Variants in IWS1 observed in about 807,000 individuals in gnomAD.
The protein encoded by IWS1 is protein IWS1 homolog.
In IWS1, 27 loss-of-function variants were observed where a neutral mutation model predicts 86.7. The ratio of observed to expected loss-of-function variants is 0.31; its 90% CI spans 0.23 to 0.43. The LOEUF (loss-of-function observed/expected upper bound fraction) is 0.43, where lower values mean the gene tolerates loss of function less well. IWS1 is among the 20% of genes least tolerant of loss of function. The pLI is 1.00. For synonymous variants in IWS1, 313 were observed against 335.1 expected, an observed-to-expected ratio of 0.93 and a Z score of 0.72; for missense variants, 827 against 1,000.8, an observed-to-expected ratio of 0.83 and a Z score of 2.34.
intron 2 of IWS1, among the ~76,000 whole-genome samples, chr2:127,523,209 CA>C (rs1467474543): frequency 7.6e-5 from 11 of 144,898 alleles, no homozygotes; most frequent in African/African-American, 1.0e-4. Context: ...GACCCTGTCT[CA>C]AAAAAAAAAG....
intron 6 of IWS1, among the ~76,000 whole-genome samples, chr2:127,497,510 T>C (rs960073954): frequency 2.4e-4 from 36 of 152,356 alleles, no homozygotes; most frequent in African/African-American, 7.5e-4. Flanking sequence ...CCTTTATGGC[T>C]TTCATCAGAA....
intron 2 of IWS1, among the ~76,000 whole-genome samples, chr2:127,513,939 T>C (rs1691616684): frequency 6.6e-6 from 1 of 152,168 alleles, no homozygotes; most frequent in Non-Finnish European, 1.5e-5. Flanking sequence ...CAGATAGGGG[T>C]GGGTCCCTGG....
At chr2:127,526,714 T>C (rs528937808), upstream of IWS1, 7 of 1,300,786 alleles carry the variant, frequency 5.4e-6, no homozygotes, top group South Asian at 7.4e-5. Flanking sequence ...AGATTCTGTG[T>C]CCGTGCCTTG....
At chr2:127,522,394 G>A (rs1692147672) in intron 2 of IWS1, among the ~76,000 whole-genome samples, 1 of 151,676 alleles carries the variant, frequency 6.6e-6, no homozygotes, top group Non-Finnish European at 1.5e-5. Context: ...CACAGCATTT[G>A]TTATCTTCTA....
At position 127,489,472 on chromosome 2, in the gene IWS1, G is replaced by C; in HGVS notation, c.2160-237C>G. The C allele has an allele frequency of 1.8e-6, 1 of 542,478 alleles. No homozygotes were observed. The highest frequency in any genetic ancestry group is 3.4e-5 in the Admixed American group (1 of 29,050). 33.6% of individuals were successfully genotyped at this position (542,478 alleles called of 1,614,324 possible). ...TTGTAACTAATGACCCTGTCCTCCT[G>C]GATGCAACTGTATCCACTATTATCA... On this transcript the variant is annotated intron_variant, in intron 11 of 13. Coordinates refer to ENST00000295321, the MANE Select transcript of IWS1 (RefSeq NM_017969.3). This position sits in a 1 kb window ranked among gnomAD's most constrained non-coding sequence, Gnocchi z 4.8.
intron 5 of IWS1, among the ~76,000 whole-genome samples, chr2:127,501,439 T>C (rs1690803962): frequency 6.6e-6 from 1 of 152,218 alleles, no homozygotes; most frequent in African/African-American, 2.4e-5. Context: ...TTATCTTCCT[T>C]GCAATGTGTA....
Position 127,489,652 on chromosome 2 carries a change from C to T in IWS1, c.2159+180G>A. The T allele has an allele frequency of 1.7e-6, 1 of 581,672 alleles. No individual in the cohort carries two copies. The highest frequency in any genetic ancestry group is 3.1e-6 in the Non-Finnish European group (1 of 327,798). 36.0% of individuals were successfully genotyped at this position (581,672 alleles called of 1,614,324 possible). A position where few individuals can be genotyped will look rare whatever the true frequency, so the allele number is the denominator to read the frequency against. ...ACCCAGAAAGGTCTGGTTAGGAGGA[C>T]AGGACCCTCACTATACACTATCACA... On this transcript the variant is annotated intron_variant, in intron 11 of 13. Transcript: ENST00000295321. The surrounding 1 kb of genome is among the most constrained non-coding windows in gnomAD (Gnocchi z 4.8).
intron 1 of IWS1, 118 bp downstream of exon 1, chr2:127,526,057 G>A: frequency 1.0e-6 from 1 of 957,470 alleles, no homozygotes; most frequent in Non-Finnish European, 1.6e-6. Flanking sequence ...TCCTCGGGCC[G>A]GGTCGCGGGA....
In IWS1 at chr2:127,504,579, AT is replaced by A; in HGVS notation, c.1219+104del. 8 of 827,478 alleles carry A rather than the reference AT, an allele frequency of 9.7e-6. No homozygotes were observed. The Middle Eastern group carries it at 7.9e-4, about 82-fold the overall frequency. The allele number at this position is 827,478 out of a possible 1,614,324, so 51.3% of individuals were successfully genotyped here. ...CTGATATTTTAGAATATTAAGCTGAATAACAGAACACAGATCTGACATACCA... is the reference window on the plus strand; with the variant it reads ...CTGATATTTTAGAATATTAAGCTGAAAACAGAACACAGATCTGACATACCA... On this transcript the variant is annotated intron_variant, in intron 3 of 13. Coordinates refer to ENST00000295321, the MANE Select transcript of IWS1 (RefSeq NM_017969.3).
At chr2:127,504,419 A>AC (rs893575305) in intron 3 of IWS1, among the ~76,000 whole-genome samples, 1 of 152,156 alleles carries the variant, frequency 6.6e-6, no homozygotes, top group Admixed American at 6.5e-5. Flanking sequence ...TAAAAAAAAA[A>AC]AACAGTATTT....
In IWS1 at chr2:127,508,674, GCA is replaced by G. The variant is rs539407501; in HGVS notation, c.151-2924_151-2923del. Among the ~76,000 whole-genome samples, 659 of 152,292 alleles carry G rather than the reference GCA, an allele frequency of 4.3e-3. 7 individuals are homozygous for G. The highest frequency in any genetic ancestry group is 0.014 in the African/African-American group (578 of 41,568). Reference sequence around the variant, plus strand: ...CTTGGGAAGGTTAAGTACCAACGCAGCACAGAGAGCTTAGAAAAGGGAACTCA... The same window carrying G: ...CTTGGGAAGGTTAAGTACCAACGCAGCAGAGAGCTTAGAAAAGGGAACTCA... On this transcript the variant is annotated intron_variant, in intron 2 of 13. Transcript: ENST00000295321.
intron 2 of IWS1, among the ~76,000 whole-genome samples, chr2:127,508,251 C>T (rs978814686): frequency 4.6e-5 from 7 of 152,022 alleles, no homozygotes; most frequent in African/African-American, 2.4e-5. Flanking sequence ...AGGAGCCAGC[C>T]AAGCATACTG....
Position 127,525,373 on chromosome 2 carries a change from A to G in IWS1, c.34+802T>C, listed in dbSNP as rs577010839. On this transcript the variant is annotated intron_variant, in intron 1 of 13. Coordinates refer to ENST00000295321, the MANE Select transcript of IWS1 (RefSeq NM_017969.3). Reference sequence around the variant, plus strand: ...CAAAACAGTAAAGGGCTTAACGCTTAAACAATTATTTAAGCACTCAAGTTT... The same window carrying G: ...CAAAACAGTAAAGGGCTTAACGCTTGAACAATTATTTAAGCACTCAAGTTT... Among the ~76,000 whole-genome samples, 10 of 152,376 alleles carry G rather than the reference A, an allele frequency of 6.6e-5. No individual in the cohort carries two copies. The South Asian group carries it at 2.1e-3, about 32-fold the overall frequency.
chr2:127,485,398 C>T (rs1365562958), intron 13 of IWS1, among the ~76,000 whole-genome samples: 2 of 152,170 alleles, frequency 1.3e-5, no homozygotes, highest in Admixed American at 6.5e-5. Context: ...GTCTTTTCCA[C>T]TTCTGACCAC....
Position 127,505,030 on chromosome 2 carries a change from A to G in IWS1, c.873T>C (p.Asn291=). The part of the protein sequence containing the change: ...PPRNQASDSE[N]EELPKPRVSD... ...TGACTCGGGGTTTGGGTAGCTCCTC[A>G]TTTTCCGAATCACTGGCCTGGTTCC... The change falls in exon 3 of 14, where the codon AAT becomes AAC. Residue 291 remains asparagine (N), a synonymous_variant. Transcript: ENST00000295321. This position sits in a 1 kb window ranked among gnomAD's most constrained non-coding sequence, Gnocchi z 5.0. The G allele has an allele frequency of 6.2e-7, 1 of 1,611,870 alleles. No individual in the cohort carries two copies. Among genetic ancestry groups the G allele is most frequent in the Non-Finnish European group, 8.5e-7 (1 of 1,179,386 alleles).
chr2:127,525,213 G>C (rs530178320), intron 1 of IWS1, among the ~76,000 whole-genome samples: 43 of 152,134 alleles, frequency 2.8e-4, no homozygotes, highest in Non-Finnish European at 8.8e-5. Context: ...GGCCGCCTAC[G>C]CCTCCCAAAG....
chr2:127,514,249 A>G (rs1198979896), intron 2 of IWS1: 1 of 154,334 alleles, frequency 6.5e-6, no homozygotes, highest in East Asian at 1.9e-4. Flanking sequence ...CCGTCACTCA[A>G]TAAAACTCTT....
At chr2:127,506,614 T>C (rs1319523471) in intron 2 of IWS1, 1 of 164,644 alleles carries the variant, frequency 6.1e-6, no homozygotes, top group Non-Finnish European at 1.5e-5. Flanking sequence ...TAAGAGCCAA[T>C]ACCACAACAG....
At chr2:127,481,776 G>A (rs1261329296) in intron 13 of IWS1, among the ~76,000 whole-genome samples, 1 of 152,148 alleles carries the variant, frequency 6.6e-6, no homozygotes, top group Admixed American at 6.5e-5. Context: ...TTCCAGAACT[G>A]CTGAGAGAAG....
Sources: allele counts gnomAD v4.1 joint callset (sites outside exome capture counted in the v4.1 genomes callset), GRCh38; gene constraint gnomAD v4.1.1; non-coding constraint Gnocchi (gnomAD v3.1); transcripts MANE v1.5; gene names NCBI Gene and HGNC (gene_info 2026-07-23, HGNC 2026-07-21).